SV2C: variants seen among roughly 807,000 people sequenced by gnomAD.
SV2C encodes the protein synaptic vesicle glycoprotein 2C, also known as solute carrier family 22 member B3.
Under a neutral mutation model 79.7 loss-of-function variants are expected in SV2C, and 49 were observed. The ratio of observed to expected loss-of-function variants is 0.61; its 90% CI spans 0.49 to 0.78. The LOEUF (loss-of-function observed/expected upper bound fraction) is 0.78. Ranked by LOEUF, SV2C falls within the 30% of genes least tolerant of loss-of-function variation. The pLI is 0.00. For missense variants in SV2C, 833 were observed against 912.9 expected (o/e 0.91, Z 1.13); for synonymous variants, 334 against 333.2 (o/e 1.00, Z -0.03).
intron 12 of SV2C, among the ~76,000 whole-genome samples, chr5:76,307,763 T>C (rs1748250673): frequency 1.3e-5 from 2 of 152,222 alleles, no homozygotes; most frequent in Admixed American, 1.3e-4. Context: ...TTCTTTCCTC[T>C]GTCTCCTCCA....
the SV2C span, among the ~76,000 whole-genome samples, chr5:75,993,590 T>C: frequency 6.6e-6 from 1 of 152,164 alleles, no homozygotes; most frequent in African/African-American, 2.4e-5. Flanking sequence ...AGAAGGCACG[T>C]CCCCAAAATT....
At chr5:76,274,125 A>T (rs1158790942) in intron 4 of SV2C, among the ~76,000 whole-genome samples, 1 of 152,254 alleles carries the variant, frequency 6.6e-6, no homozygotes, top group Non-Finnish European at 1.5e-5. Context: ...ATATGTAAGT[A>T]TTGAATAGTG....
At chr5:75,868,467 C>T in the SV2C span, among the ~76,000 whole-genome samples, 33,820 of 151,950 alleles carry the variant, frequency 0.22, 5,282 homozygotes, top group African/African-American at 0.45. Flanking sequence ...AGGAAAGGGT[C>T]GCTCTCGTAA....
the SV2C span, among the ~76,000 whole-genome samples, chr5:75,897,701 C>T: frequency 6.6e-6 from 1 of 152,284 alleles, no homozygotes; most frequent in Non-Finnish European, 1.5e-5. Context: ...TACCCATGAG[C>T]ATGGAATGTT....
At chr5:76,192,059 C>G (rs1021705127) in intron 2 of SV2C, among the ~76,000 whole-genome samples, 1 of 152,128 alleles carries the variant, frequency 6.6e-6, no homozygotes, top group Non-Finnish European at 1.5e-5. Flanking sequence ...TGTTTCACAT[C>G]TTTGGAGTTA....
intron 4 of SV2C, among the ~76,000 whole-genome samples, chr5:76,226,458 G>A (rs1745248510): frequency 6.6e-6 from 1 of 152,086 alleles, no homozygotes; most frequent in Non-Finnish European, 1.5e-5. Context: ...CAAAAAAAAG[G>A]CAAAATTCTG....
rs1749068579 is a variant in SV2C, at chr5:76,328,310, C to G, written c.*2763C>G. The G allele has an allele frequency of 6.6e-6, 1 of 152,216 alleles. No individual in the cohort carries two copies. The highest frequency in any genetic ancestry group is 1.5e-5 in the Non-Finnish European group (1 of 68,046). 9.4% of individuals were successfully genotyped at this position (152,216 alleles called of 1,614,324 possible). A position where few individuals can be genotyped will look rare whatever the true frequency, so the allele number is the denominator to read the frequency against. On this transcript the variant is annotated 3_prime_UTR_variant, in exon 13 of 13. Transcript: ENST00000502798. Reference sequence around the variant, plus strand: ...AAATGAAAACCTAGGAAATAGTCCACTTGCTCCTATATTTTTACCACCTTT... The same window carrying G: ...AAATGAAAACCTAGGAAATAGTCCAGTTGCTCCTATATTTTTACCACCTTT...
chr5:76,035,158 CT>C, the SV2C span, among the ~76,000 whole-genome samples: 1 of 151,054 alleles, frequency 6.6e-6, no homozygotes, highest in Admixed American at 6.6e-5. Context: ...ATAAGTCTTG[CT>C]AGCGGTCTAT....
intron 2 of SV2C, among the ~76,000 whole-genome samples, chr5:76,179,096 C>T (rs10474464): frequency 0.69 from 105,186 of 152,076 alleles, 37,510 homozygotes; most frequent in East Asian, 0.97. Context: ...TGATAAATAA[C>T]GCAAGTTAGA....
At chr5:76,056,291 C>A in the SV2C span, among the ~76,000 whole-genome samples, 22 of 152,168 alleles carry the variant, frequency 1.4e-4, no homozygotes, top group South Asian at 1.9e-3. Flanking sequence ...TGATGGAGTA[C>A]GTTTATTGAA....
chr5:76,082,583 C>G (rs1046840602), upstream of SV2C, among the ~76,000 whole-genome samples: 1 of 149,878 alleles, frequency 6.7e-6, no homozygotes, highest in African/African-American at 2.5e-5. Context: ...CTTTTTCTTT[C>G]TTTCTTTCTT....
intron 2 of SV2C, among the ~76,000 whole-genome samples, chr5:76,158,478 GAC>G (rs1284038634): frequency 6.7e-6 from 1 of 149,866 alleles, no homozygotes; most frequent in Non-Finnish European, 1.5e-5. Context: ...TGATAAAAAA[GAC>G]AATTTATTAG....
At chr5:75,858,295 G>T in the SV2C span, among the ~76,000 whole-genome samples, 1 of 152,070 alleles carries the variant, frequency 6.6e-6, no homozygotes, top group Non-Finnish European at 1.5e-5. Flanking sequence ...CCATTTTTTT[G>T]AGGGTTTTCA....
chr5:76,192,439 G>A (rs1297363262), intron 2 of SV2C, among the ~76,000 whole-genome samples: 1 of 152,194 alleles, frequency 6.6e-6, no homozygotes, highest in Non-Finnish European at 1.5e-5. Flanking sequence ...TTTTAAGTCT[G>A]CCCGTCTGCA....
intron 1 of SV2C, among the ~76,000 whole-genome samples, chr5:76,085,858 C>CACACACAG (rs1747175169): frequency 1.3e-5 from 2 of 151,242 alleles, no homozygotes; most frequent in Non-Finnish European, 3.0e-5. Flanking sequence ...CACACACACA[C>CACACACAG]AGAATTTTCT....
chr5:75,912,565 A>G, the SV2C span, among the ~76,000 whole-genome samples: 1 of 152,252 alleles, frequency 6.6e-6, no homozygotes, highest in Non-Finnish European at 1.5e-5. Context: ...AAAAATGTCA[A>G]AAAATATGCA....
chr5:75,886,699 CAG>C, the SV2C span, among the ~76,000 whole-genome samples: 2 of 152,114 alleles, frequency 1.3e-5, no homozygotes, highest in African/African-American at 4.8e-5. Flanking sequence ...TAATTCAACT[CAG>C]AGCTCAATTA....
rs1416399355 is a variant in SV2C, at chr5:76,207,953, G to T, written c.762-1783G>T. Among the ~76,000 whole-genome samples the T allele has an allele frequency of 2.0e-5, 3 of 152,230 alleles. No individual in the cohort carries two copies. The South Asian group carries it at 6.2e-4, about 32-fold the overall frequency. On this transcript the variant is annotated intron_variant, in intron 3 of 12. Transcript: ENST00000502798. ...TCTAATACGGTGCAGTATAGAGCCA[G>T]CTCTGAGCCCCCACCACATGCATTT...
At chr5:76,269,143 G>C (rs1746763813) in intron 4 of SV2C, among the ~76,000 whole-genome samples, 1 of 152,128 alleles carries the variant, frequency 6.6e-6, no homozygotes, top group Non-Finnish European at 1.5e-5. Flanking sequence ...TGGTGAGCCT[G>C]TCCTGTGTAT....
Sources: gnomAD v4.1 joint callset for allele counts (sites outside exome capture counted in the v4.1 genomes callset) on GRCh38, gnomAD v4.1.1 for gene constraint, MANE v1.5 for transcripts, NCBI Gene and HGNC (gene_info 2026-07-23, HGNC 2026-07-21) for gene names.